Variants in CD2AP observed in about 807,000 individuals in gnomAD.
CD2AP encodes the protein CD2-associated protein.
A neutral mutation model predicts 85.1 loss-of-function variants in CD2AP; 46 were observed. The observed-to-expected ratio is 0.54, with a 90% CI of 0.43 to 0.69. CD2AP has a LOEUF of 0.69. CD2AP is among the 30% of genes least tolerant of loss of function. The pLI, the probability that CD2AP is intolerant of heterozygous loss-of-function variation, is 0.00. For synonymous variants in CD2AP, 255 were observed against 252.9 expected (o/e 1.01, Z -0.08); for missense variants, 769 against 729.5 (o/e 1.05, Z -0.62).
At chr6:47,607,352 A>G (rs1391491603) in intron 14 of CD2AP, among the ~76,000 whole-genome samples, 2 of 152,046 alleles carry the variant, frequency 1.3e-5, no homozygotes, top group African/African-American at 4.8e-5. Context: ...TGGTAGCTCT[A>G]TATTTAGTTT....
chr6:47,626,466 G>GTA lies in CD2AP; in HGVS notation c.*2242_*2243dup, dbSNP rs1196793348. On this transcript the variant is annotated 3_prime_UTR_variant, in exon 18 of 18. Transcript: ENST00000359314. ...TCATGAATTTTTTTTCTACGTGTGA[G>GTA]TATAAAAGACAAAAGTTGAACAGCA... 1 of 152,218 alleles carries GTA rather than the reference G, an allele frequency of 6.6e-6. No homozygotes were observed. Among genetic ancestry groups the GTA allele is most frequent in the African/African-American group, 2.4e-5 (1 of 41,364 alleles). 9.4% of individuals were successfully genotyped at this position (152,218 alleles called of 1,614,324 possible).
chr6:47,500,306 T>C (rs1280410157), intron 1 of CD2AP, among the ~76,000 whole-genome samples: 3 of 152,340 alleles, frequency 2.0e-5, no homozygotes, highest in African/African-American at 7.2e-5. Context: ...ATGCATTTCA[T>C]GTGAGCCTAC....
chr6:47,585,193 C>T (rs144280591), intron 11 of CD2AP, among the ~76,000 whole-genome samples: 1 of 131,244 alleles, frequency 7.6e-6, no homozygotes, highest in South Asian at 2.7e-4. Flanking sequence ...GTCCCAGCTA[C>T]TCAGGAGGCT....
At chr6:47,592,733 G>A (rs1260791547) in intron 11 of CD2AP, among the ~76,000 whole-genome samples, 3 of 152,144 alleles carry the variant, frequency 2.0e-5, no homozygotes, top group African/African-American at 7.2e-5. Flanking sequence ...TCATGGGTTT[G>A]TGAACACATT....
intron 2 of CD2AP, among the ~76,000 whole-genome samples, chr6:47,513,584 T>TA (rs990964465): frequency 5.9e-5 from 9 of 152,146 alleles, no homozygotes; most frequent in Non-Finnish European, 1.2e-4. Context: ...AGACTGCACA[T>TA]ACAGTATTAT....
chr6:47,494,878 C>T (rs1377130296), intron 1 of CD2AP, among the ~76,000 whole-genome samples: 1 of 152,132 alleles, frequency 6.6e-6, no homozygotes, highest in Non-Finnish European at 1.5e-5. Context: ...AAATAGTTGG[C>T]TGGGCATGGT....
In CD2AP at chr6:47,612,528, A is replaced by C. The variant is rs746452547; in HGVS notation, c.1870A>C (p.Asn624His). The change falls in exon 17 of 18, where the codon AAT (asparagine) becomes CAT (histidine). Residue 624 changes from asparagine to histidine, a missense_variant. Coordinates refer to ENST00000359314, the MANE Select transcript of CD2AP (RefSeq NM_012120.3). ...GGAAGAAGAGAAGACAATGAGAAGT[A>C]ATCTAGAGGTAATTAATTTCTTCCA... ...DLEEEKTMRS[N>H]LEMEIEKLKK... 6.2e-7 allele frequency: 1 copy of C among 1,604,684 alleles called. No homozygotes were observed. Among genetic ancestry groups the C allele is most frequent in the Non-Finnish European group, 8.5e-7 (1 of 1,171,994 alleles).
intron 11 of CD2AP, among the ~76,000 whole-genome samples, chr6:47,595,141 A>T (rs1582603648): frequency 6.6e-6 from 1 of 152,022 alleles, no homozygotes; most frequent in African/African-American, 2.4e-5. Flanking sequence ...CAGGTATGTC[A>T]TGTGTAATAA....
chr6:47,540,174 CAA>C (rs373888400), intron 3 of CD2AP, among the ~76,000 whole-genome samples: 14 of 55,626 alleles, frequency 2.5e-4, no homozygotes, highest in Non-Finnish European at 2.6e-4. Flanking sequence ...GGCCCTGTCT[CAA>C]AAAAAAAAAA....
intron 3 of CD2AP, among the ~76,000 whole-genome samples, chr6:47,538,805 C>T (rs1297517171): frequency 2.0e-5 from 3 of 152,128 alleles, no homozygotes; most frequent in Non-Finnish European, 2.9e-5. Context: ...TGAATATTTA[C>T]ATCTATTTTT....
intron 11 of CD2AP, among the ~76,000 whole-genome samples, chr6:47,593,928 G>T (rs1768866962): frequency 6.6e-6 from 1 of 152,048 alleles, no homozygotes; most frequent in South Asian, 2.1e-4. Context: ...ATATATGTGT[G>T]TGTGTATGTT....
At chr6:47,552,981 G>C (rs535797413) in intron 4 of CD2AP, among the ~76,000 whole-genome samples, 26 of 142,766 alleles carry the variant, frequency 1.8e-4, no homozygotes, top group South Asian at 1.1e-3. Flanking sequence ...TTTCCTTTTG[G>C]GGGGGAGCAT....
intron 3 of CD2AP, among the ~76,000 whole-genome samples, chr6:47,535,497 A>C (rs953076819): frequency 1.3e-5 from 2 of 152,192 alleles, no homozygotes; most frequent in African/African-American, 4.8e-5. Context: ...TTTGGATTAC[A>C]TCATCCTTTG....
In CD2AP at chr6:47,624,278, A is replaced by C; in HGVS notation, c.*51A>C. On this transcript the variant is annotated 3_prime_UTR_variant, in exon 18 of 18. Transcript: ENST00000359314. ...GTTCCAGGGATTCAGAAGCAACGCT[A>C]TGAACTTCAGCTGACTTGTTACTTA... The C allele has an allele frequency of 7.1e-7, 1 of 1,405,632 alleles. No individual in the cohort carries two copies. Among genetic ancestry groups the C allele is most frequent in the Non-Finnish European group, 1.0e-6 (1 of 990,792 alleles). The allele number at this position is 1,405,632 out of a possible 1,614,324, so 87.1% of individuals were successfully genotyped here.
chr6:47,580,896 T>G lies in CD2AP; in HGVS notation c.1041T>G (p.Ala347=), dbSNP rs777897093. 8 of 1,604,068 alleles carry G rather than the reference T, an allele frequency of 5.0e-6. No individual in the cohort carries two copies. The highest frequency in any genetic ancestry group is 6.8e-6 in the Non-Finnish European group (8 of 1,171,096). ...KPKKPPPPAK[A]PAPKPELIAA... ...AGAAACCACCACCTCCTGCTAAGGC[T>G]CCAGGTATGTAAGAAGCATATTATT... Residue 347 remains alanine, a synonymous_variant, in exon 10 of 18, where the codon GCT becomes GCG. Coordinates refer to ENST00000359314, the MANE Select transcript of CD2AP (RefSeq NM_012120.3).
chr6:47,546,038 G>T (rs1767357459), intron 4 of CD2AP, among the ~76,000 whole-genome samples: 1 of 152,028 alleles, frequency 6.6e-6, no homozygotes, highest in South Asian at 2.1e-4. Flanking sequence ...GAATTCAGAA[G>T]GTAAGTTATT....
chr6:47,599,559 C>CA, intron 13 of CD2AP, 116 bp downstream of exon 13: 1 of 943,828 alleles, frequency 1.1e-6, no homozygotes, highest in Non-Finnish European at 1.6e-6. Flanking sequence ...GTTGAAATTA[C>CA]ACAGTTGAAA....
chr6:47,616,052 G>A (rs533339282), intron 17 of CD2AP, among the ~76,000 whole-genome samples: 2 of 145,414 alleles, frequency 1.4e-5, no homozygotes, highest in South Asian at 4.4e-4. Context: ...CAAAGTGCTG[G>A]AATTGCAGGC....
chr6:47,478,710 A>C (rs965934469), intron 1 of CD2AP, among the ~76,000 whole-genome samples: 1 of 152,136 alleles, frequency 6.6e-6, no homozygotes, highest in Non-Finnish European at 1.5e-5. Context: ...GAGAGAGATA[A>C]ATTTGTTCAA....
Sources: allele counts gnomAD v4.1 joint callset (sites outside exome capture counted in the v4.1 genomes callset), GRCh38; gene constraint gnomAD v4.1.1; transcripts MANE v1.5; gene names NCBI Gene and HGNC (gene_info 2026-07-23, HGNC 2026-07-21).